MRPS27: variants seen among roughly 807,000 people sequenced by gnomAD.
The protein encoded by MRPS27 is mitochondrial ribosomal protein S27.
Under a neutral mutation model 48.9 loss-of-function variants are expected in MRPS27, and 43 were observed. The ratio of observed to expected loss-of-function variants is 0.88; its 90% CI spans 0.69 to 1.13. MRPS27 has a LOEUF of 1.13. Ranked by LOEUF, MRPS27 falls within the 50% of genes most tolerant of loss-of-function variation. The probability of loss-of-function intolerance (pLI) is 0.00; values close to 1 mark genes in which losing one functional copy is unlikely to be tolerated. For missense variants in MRPS27, 467 were observed against 476.3 expected (o/e 0.98, Z 0.18); for synonymous variants, 188 against 171.9 (o/e 1.09, Z -0.73).
rs746811892 is a variant in MRPS27 at position 72,295,051 on chromosome 5, T to TTG, written c.281+478_281+479dup. Reference sequence around the variant, plus strand: ...ATACTCAACTTGTGTGTGTGTGTGTTTGTGTGTGTGTGTATAAATTTTCAC... The same window carrying TTG: ...ATACTCAACTTGTGTGTGTGTGTGTTTGTGTGTGTGTGTGTATAAATTTTCAC... On this transcript the variant is annotated intron_variant, in intron 4 of 10. Coordinates refer to ENST00000261413, the MANE Select transcript of MRPS27 (RefSeq NM_015084.3). Among the ~76,000 whole-genome samples the TTG allele has an allele frequency of 9.3e-5, 14 of 151,106 alleles. No individual in the cohort carries two copies. The East Asian group carries it at 1.2e-3, about 13-fold the overall frequency.
chr5:72,241,879 A>T (rs1396972895), intron 4 of MRPS27, among the ~76,000 whole-genome samples: 1 of 152,154 alleles, frequency 6.6e-6, no homozygotes, highest in East Asian at 1.9e-4. Context: ...AAGCTTTATT[A>T]TTGCCTAGGC....
chr5:72,285,114 T>G (rs1749638844), intron 4 of MRPS27, among the ~76,000 whole-genome samples: 1 of 152,160 alleles, frequency 6.6e-6, no homozygotes, highest in Non-Finnish European at 1.5e-5. Context: ...AACCCTCCCT[T>G]CTCTCCTGCC....
chr5:72,242,108 A>G (rs1339945263), intron 4 of MRPS27, among the ~76,000 whole-genome samples: 1 of 152,176 alleles, frequency 6.6e-6, no homozygotes, highest in Non-Finnish European at 1.5e-5. Flanking sequence ...CTCTAGTTCT[A>G]AAAGTTGGTA....
At chr5:72,320,015 T>G (rs537596238) in intron 1 of MRPS27, 134 bp downstream of exon 1, 2 of 836,800 alleles carry the variant, frequency 2.4e-6, no homozygotes, top group Admixed American at 4.6e-5. Flanking sequence ...CTCCTTCTTC[T>G]GCACTACCAA....
At chr5:72,240,001 G>C (rs992484193) in intron 4 of MRPS27, among the ~76,000 whole-genome samples, 3 of 152,158 alleles carry the variant, frequency 2.0e-5, no homozygotes, top group African/African-American at 4.8e-5. Flanking sequence ...AAAGTCAAGT[G>C]AAGTATCAGG....
intron 4 of MRPS27, among the ~76,000 whole-genome samples, chr5:72,273,618 T>C (rs1429554042): frequency 1.3e-5 from 2 of 152,202 alleles, no homozygotes; most frequent in Non-Finnish European, 2.9e-5. Flanking sequence ...AGTATTTGTG[T>C]CTAAACGTAT....
At chr5:72,238,157 G>A (rs768512222) in intron 4 of MRPS27, 29 bp from the exon 5 acceptor site, 1 of 1,461,484 alleles carries the variant, frequency 6.8e-7, no homozygotes, top group Non-Finnish European at 9.6e-7. Context: ...AGAGAAAACT[G>A]GTGTTAACTC....
At chr5:72,302,000 T>C (rs1750137049) in intron 2 of MRPS27, among the ~76,000 whole-genome samples, 1 of 152,214 alleles carries the variant, frequency 6.6e-6, no homozygotes, top group Non-Finnish European at 1.5e-5. Context: ...AAGAAGATAC[T>C]TTTTTGCTTG....
chr5:72,246,372 CTTAT>C (rs766597071), intron 4 of MRPS27, among the ~76,000 whole-genome samples: 15 of 152,180 alleles, frequency 9.9e-5, no homozygotes, highest in Non-Finnish European at 1.6e-4. Flanking sequence ...CTAGTCCTCA[CTTAT>C]TCCCCCTACT....
intron 4 of MRPS27, among the ~76,000 whole-genome samples, chr5:72,254,529 A>G (rs964013985): frequency 1.6e-4 from 24 of 152,362 alleles, no homozygotes; most frequent in African/African-American, 5.8e-4. Flanking sequence ...GGAATTATAT[A>G]TGTGGAGCCT....
chr5:72,243,376 A>AT (rs774901310), intron 4 of MRPS27, among the ~76,000 whole-genome samples: 2 of 152,184 alleles, frequency 1.3e-5, no homozygotes, highest in Non-Finnish European at 2.9e-5. Context: ...TGCTTTCAGA[A>AT]TTGTTAATTT....
intron 3 of MRPS27, among the ~76,000 whole-genome samples, chr5:72,296,515 G>A (rs552597718): frequency 6.6e-6 from 1 of 152,274 alleles, no homozygotes; most frequent in Admixed American, 6.5e-5. Context: ...TGGCCTCGAA[G>A]AGTATAAGGC....
intron 2 of MRPS27, chr5:72,307,816 A>C (rs573708400): frequency 6.6e-6 from 1 of 152,338 alleles, no homozygotes; most frequent in African/African-American, 2.4e-5. Flanking sequence ...GTAATTCATC[A>C]ATGTCTATAT....
chr5:72,279,023 TAGA>T (rs1749461772), intron 4 of MRPS27, among the ~76,000 whole-genome samples: 1 of 152,200 alleles, frequency 6.6e-6, no homozygotes, highest in African/African-American at 2.4e-5. Context: ...GAAGGCTGAG[TAGA>T]AGATGACCAT....
In MRPS27 at chr5:72,320,179, GC is replaced by G. The variant is rs1261009216; in HGVS notation, c.42del (p.Gln15LysfsTer21). 4 of 1,613,890 alleles carry G rather than the reference GC, an allele frequency of 2.5e-6. No individual in the cohort carries two copies. Among genetic ancestry groups the G allele is most frequent in the African/African-American group, 1.3e-5 (1 of 74,908 alleles). ...SIVRRGMLLA[R>X]QVVLPQLSPA... ...GGAGAGAGCTGAGGAAGAACCACTT[GC>G]CGCGCCAGGAGCATCCCGCGCCGCA... On this transcript the variant is annotated frameshift_variant, in exon 1 of 11. Coordinates refer to ENST00000261413, the MANE Select transcript of MRPS27 (RefSeq NM_015084.3). LOFTEE classifies it high-confidence loss of function.
intron 4 of MRPS27, among the ~76,000 whole-genome samples, chr5:72,238,352 G>T (rs976474526): frequency 6.6e-6 from 1 of 152,146 alleles, no homozygotes; most frequent in Non-Finnish European, 1.5e-5. Context: ...TACAAAAATT[G>T]TATTCCTTAT....
chr5:72,226,958 C>T (rs1314022173), intron 8 of MRPS27: 1 of 152,196 alleles, frequency 6.6e-6, no homozygotes, highest in Non-Finnish European at 1.5e-5. Context: ...CTTAAATCCA[C>T]CTTCTTTTAT....
chr5:72,291,579 T>C (rs1265886818), intron 4 of MRPS27, among the ~76,000 whole-genome samples: 1 of 152,246 alleles, frequency 6.6e-6, no homozygotes, highest in Non-Finnish European at 1.5e-5. Context: ...ATGATTTTTA[T>C]TGGCAAGAAA....
At position 72,219,421 on chromosome 5, in the gene MRPS27, C is replaced by T. The variant is rs1401124873; in HGVS notation, c.*1488G>A. ...GCAGTTATCATTATTACAATAAATC[C>T]CATAGTTTAATGGGGGAGGGTTTAA... On this transcript the variant is annotated 3_prime_UTR_variant, in exon 11 of 11. Transcript: ENST00000261413. 6.6e-6 allele frequency: 1 copy of T among 152,106 alleles called. No individual in the cohort carries two copies. The highest frequency in any genetic ancestry group is 1.5e-5 in the Non-Finnish European group (1 of 68,020). 9.4% of individuals were successfully genotyped at this position (152,106 alleles called of 1,614,324 possible).
Sources: gnomAD v4.1 joint callset for allele counts (sites outside exome capture counted in the v4.1 genomes callset) on GRCh38, gnomAD v4.1.1 for gene constraint, MANE v1.5 for transcripts, NCBI Gene and HGNC (gene_info 2026-07-23, HGNC 2026-07-21) for gene names.